The following VPS54 variants were observed in gnomAD, a reference collection of about 807,000 sequenced individuals.
The protein encoded by VPS54 is VPS54 subunit of GARP complex, also known as vacuolar protein sorting-associated protein 54.
VPS54 carries 45 observed loss-of-function variants against 121.5 expected under a neutral mutation model. The ratio of observed to expected loss-of-function variants is 0.37; its 90% confidence interval spans 0.29 to 0.47. The LOEUF is 0.47. VPS54 is among the 20% of genes least tolerant of loss of function. The probability of loss-of-function intolerance (pLI) is 0.99; values close to 1 mark genes in which losing one functional copy is unlikely to be tolerated. For synonymous variants in VPS54, 371 were observed against 385.8 expected (o/e 0.96, Z 0.45); for missense variants, 1,090 against 1,131.4 (o/e 0.96, Z 0.52).
chr2:63,948,630 G>C (rs1675101135), intron 8 of VPS54, among the ~76,000 whole-genome samples: 1 of 151,664 alleles, frequency 6.6e-6, no homozygotes, highest in Non-Finnish European at 1.5e-5. Context: ...CAAACTCCTG[G>C]GCTCAAGCAA....
At chr2:63,942,773 C>G (rs139028802) in intron 10 of VPS54, among the ~76,000 whole-genome samples, 83 of 152,182 alleles carry the variant, frequency 5.5e-4, no homozygotes, top group African/African-American at 1.8e-3. Context: ...TATCATATAT[C>G]AATTTCATAT....
intron 7 of VPS54, among the ~76,000 whole-genome samples, chr2:63,958,411 C>A (rs1675598321): frequency 6.6e-6 from 1 of 152,152 alleles, no homozygotes; most frequent in Non-Finnish European, 1.5e-5. Context: ...AAATGGCAGA[C>A]AAATACAACT....
At position 63,912,385 on chromosome 2, in the gene VPS54, A is replaced by G; in HGVS notation, c.2585T>C (p.Val862Ala). The change falls in exon 20 of 23, where the codon GTA (valine) becomes GCA (alanine). Residue 862 changes from valine to alanine, a missense_variant. Val to Ala is a moderately conservative substitution (Grantham distance 64). Around this residue, in one of 2 missense-constraint regions of VPS54, gnomAD observed 289 missense variants for 374.4 expected, o/e 0.77. Transcript: ENST00000272322. Reference sequence around the variant, plus strand: ...GTCAAATAAGCTATCCATTATCGCTACAAGCTTAGCTGATATTTCAGCTAT... The same window carrying G: ...GTCAAATAAGCTATCCATTATCGCTGCAAGCTTAGCTGATATTTCAGCTAT... ...DHIAEISAKL[V>A]AIMDSLFDKL... The G allele has an allele frequency of 6.2e-7, 1 of 1,612,040 alleles. No individual in the cohort carries two copies. Among genetic ancestry groups the G allele is most frequent in the Non-Finnish European group, 8.5e-7 (1 of 1,178,806 alleles).
At chr2:63,972,370 T>TAGCC in intron 3 of VPS54, 126 bp from the exon 4 acceptor site, 1 of 577,892 alleles carries the variant, frequency 1.7e-6, no homozygotes, top group Non-Finnish European at 2.9e-6. Flanking sequence ...ATGAAATCAC[T>TAGCC]AGCCTCCTGA....
At chr2:64,012,683 C>T (rs1678483169) in intron 1 of VPS54, among the ~76,000 whole-genome samples, 1 of 148,618 alleles carries the variant, frequency 6.7e-6, no homozygotes, top group East Asian at 1.9e-4. Context: ...ATCTCTTCAT[C>T]GGCCCATCAA....
chr2:63,934,372 G>C (rs916032696), intron 11 of VPS54, among the ~76,000 whole-genome samples: 3 of 152,070 alleles, frequency 2.0e-5, no homozygotes, highest in African/African-American at 7.2e-5. Flanking sequence ...TAAAAGAAAA[G>C]GAATCTGTGT....
chr2:63,979,894 G>T (rs900766876), intron 3 of VPS54, among the ~76,000 whole-genome samples: 19 of 151,886 alleles, frequency 1.3e-4, no homozygotes, highest in Admixed American at 2.0e-4. Context: ...TTCAAACCTA[G>T]AATATAGTCT....
At chr2:63,907,064 T>C (rs1672932261) in intron 20 of VPS54, among the ~76,000 whole-genome samples, 2 of 152,198 alleles carry the variant, frequency 1.3e-5, no homozygotes, top group South Asian at 4.1e-4. Context: ...ATGATAGTCT[T>C]TTTAACAAAA....
intron 1 of VPS54, among the ~76,000 whole-genome samples, chr2:63,989,512 C>G (rs1189379331): frequency 3.9e-5 from 6 of 152,244 alleles, no homozygotes; most frequent in Non-Finnish European, 1.5e-5. Flanking sequence ...AGAAAAGAAC[C>G]CACGTTGAAA....
intron 4 of VPS54, among the ~76,000 whole-genome samples, chr2:63,971,654 T>G (rs2104585977): frequency 6.6e-6 from 1 of 152,340 alleles, no homozygotes; most frequent in South Asian, 2.1e-4. Context: ...TAAAGCTAAG[T>G]TACGCATGTT....
At chr2:63,976,823 CTCTTTT>C (rs1676554931) in intron 3 of VPS54, among the ~76,000 whole-genome samples, 2 of 68,040 alleles carry the variant, frequency 2.9e-5, no homozygotes, top group Non-Finnish European at 5.8e-5. Context: ...CTTATATCTT[CTCTTTT>C]TTTTTTTTTT....
chr2:63,991,755 G>T (rs559961819), intron 1 of VPS54, among the ~76,000 whole-genome samples: 11 of 152,214 alleles, frequency 7.2e-5, no homozygotes, highest in Admixed American at 5.2e-4. Context: ...ATATCAAATG[G>T]GATGCTTCAG....
intron 1 of VPS54, 45 bp from the exon 2 acceptor site, chr2:63,984,064 A>C: frequency 6.8e-6 from 10 of 1,478,616 alleles, no homozygotes; most frequent in Non-Finnish European, 9.1e-6. Flanking sequence ...GCAAATCAAA[A>C]TCCAAGTATT....
At position 63,962,064 on chromosome 2, in the gene VPS54, CTG is replaced by C; in HGVS notation, c.1002_1003del (p.His334GlnfsTer11). 6.4e-7 allele frequency: 1 copy of C among 1,559,502 alleles called. No individual in the cohort carries two copies. Among genetic ancestry groups the C allele is most frequent in the Non-Finnish European group, 8.7e-7 (1 of 1,146,936 alleles). ...GCTTACTTAATGAACATACCGGAAA[CTG>C]TGAATGCCCTGAAGTTCCTGCTGTA... On this transcript the variant is annotated frameshift_variant, in exon 7 of 23. Transcript: ENST00000272322. LOFTEE classifies it high-confidence loss of function.
At chr2:63,905,898 A>C (rs1214679222) in intron 20 of VPS54, among the ~76,000 whole-genome samples, 1 of 152,362 alleles carries the variant, frequency 6.6e-6, no homozygotes, top group East Asian at 1.9e-4. Flanking sequence ...TTAGAAATTT[A>C]GAAATTAATT....
At chr2:63,973,877 G>C (rs1272337565) in intron 3 of VPS54, among the ~76,000 whole-genome samples, 1 of 152,122 alleles carries the variant, frequency 6.6e-6, no homozygotes, top group African/African-American at 2.4e-5. Flanking sequence ...TGTTTTCTAA[G>C]TATTTTCTCC....
At chr2:63,948,990 A>G (rs751940635) in intron 8 of VPS54, 47 bp downstream of exon 8, 1 of 1,594,030 alleles carries the variant, frequency 6.3e-7, no homozygotes, top group South Asian at 1.2e-5. Context: ...CTAAGCCAAG[A>G]CTGTTAAGCA....
intron 1 of VPS54, among the ~76,000 whole-genome samples, chr2:63,995,351 T>A (rs141685130): frequency 0.013 from 2,021 of 152,360 alleles, 58 homozygotes; most frequent in African/African-American, 0.046. Flanking sequence ...CCAGGAAAAG[T>A]ATAATGTTGG....
chr2:63,980,381 G>C (rs533565517), intron 3 of VPS54, among the ~76,000 whole-genome samples: 5 of 152,130 alleles, frequency 3.3e-5, no homozygotes, highest in African/African-American at 1.2e-4. Flanking sequence ...TGGGTCATCA[G>C]ATCTCACAAT....
Sources: allele counts gnomAD v4.1 joint callset (sites outside exome capture counted in the v4.1 genomes callset), GRCh38; gene constraint gnomAD v4.1.1; regional missense constraint gnomAD v4.1.1; transcripts MANE v1.5; gene names NCBI Gene and HGNC (gene_info 2026-07-23, HGNC 2026-07-21).